EYS: variants seen among roughly 807,000 people sequenced by gnomAD.
The protein encoded by EYS is EGF-like photoreceptor maintenance factor, also known as protein eyes shut homolog.
EYS carries 250 observed loss-of-function variants against 282.1 expected under a neutral mutation model. That is an observed-to-expected ratio of 0.89 (90% CI 0.80 to 0.98). EYS has a LOEUF of 0.98. Among genes scored for constraint, EYS ranks in the 50% least tolerant of loss-of-function variants. The pLI, the probability that EYS is intolerant of heterozygous loss-of-function variation, is 0.00. For synonymous variants in EYS, 1,355 were observed against 1,282.9 expected, an observed-to-expected ratio of 1.06 and a Z score of -1.20; for missense variants, 4,016 against 3,709.0, an observed-to-expected ratio of 1.08 and a Z score of -2.15.
chr6:65,302,262 T>A (rs1768863969), intron 11 of EYS, among the ~76,000 whole-genome samples: 1 of 152,098 alleles, frequency 6.6e-6, no homozygotes, highest in Admixed American at 6.6e-5. Flanking sequence ...AGGAGGAAAA[T>A]TTTTTCTGCT....
At chr6:63,859,124 G>T (rs1476866839) in intron 36 of EYS, among the ~76,000 whole-genome samples, 1 of 116,554 alleles carries the variant, frequency 8.6e-6, no homozygotes, top group Non-Finnish European at 1.6e-5. Flanking sequence ...TAGCTGGGAT[G>T]GAGATGCAGC....
intron 30 of EYS, among the ~76,000 whole-genome samples, chr6:64,269,001 A>G (rs138184404): frequency 1.6e-3 from 249 of 152,260 alleles, no homozygotes; most frequent in Non-Finnish European, 2.9e-3. Flanking sequence ...GTACTAATAT[A>G]TCTTCCACTG....
chr6:64,225,718 G>A (rs183340331), intron 31 of EYS, among the ~76,000 whole-genome samples: 1 of 152,118 alleles, frequency 6.6e-6, no homozygotes, highest in Non-Finnish European at 1.5e-5. Context: ...TAGGGAGCAG[G>A]CTGTCTTTGT....
intron 36 of EYS, among the ~76,000 whole-genome samples, chr6:63,853,308 C>T (rs960968869): frequency 6.6e-6 from 1 of 152,076 alleles, no homozygotes; most frequent in Non-Finnish European, 1.5e-5. Flanking sequence ...AATCAATATG[C>T]AAAAATCACA....
At chr6:64,021,754 G>A (rs866015187) in intron 33 of EYS, among the ~76,000 whole-genome samples, 37 of 151,936 alleles carry the variant, frequency 2.4e-4, no homozygotes, top group African/African-American at 8.7e-4. Context: ...CCCCATCCCT[G>A]TTTCACCCAA....
rs533657209 is a variant in EYS, at chr6:64,812,989, G to A, written c.3443+389C>T. 2.0e-3 allele frequency among the ~76,000 whole-genome samples: 305 copies of A among 152,090 alleles called. 2 individuals carry two copies. The highest frequency in any genetic ancestry group is 6.8e-3 in the Middle Eastern group (2 of 294). ...TTTATAACCTATTAAGATCTCAGGA[G>A]ATAGGCATAGTAGTAACAGAAATGA... On this transcript the variant is annotated intron_variant, in intron 22 of 42. Coordinates refer to ENST00000503581, the MANE Select transcript of EYS (RefSeq NM_001142800.2).
In EYS at chr6:64,591,767, G is replaced by A. The variant is rs773888841; in HGVS notation, c.4100C>T (p.Ser1367Leu). ...DPAQIVQDKT[S>L]VSHMPIRTSA... ...AGTTCGAATAGGCATATGTGATACC[G>A]ATGTTTTGTCCTGGACAATTTGTGC... Residue 1367 changes from serine to leucine, a missense_variant, in exon 26 of 43, where the codon TCG becomes TTG. Coordinates refer to ENST00000503581, the MANE Select transcript of EYS (RefSeq NM_001142800.2). The A allele has an allele frequency of 2.3e-5, 35 of 1,551,184 alleles. No individual in the cohort carries two copies. The highest frequency in any genetic ancestry group is 1.8e-4 in the African/African-American group (13 of 73,010).
At chr6:64,912,454 A>G (rs1012102762) in intron 16 of EYS, 30 bp downstream of exon 16, 1 of 1,538,934 alleles carries the variant, frequency 6.5e-7, no homozygotes, top group Non-Finnish European at 8.8e-7. Context: ...GTAATTATTT[A>G]AAAACAATAA....
At chr6:64,681,819 G>A (rs1375449730) in intron 22 of EYS, among the ~76,000 whole-genome samples, 2 of 152,156 alleles carry the variant, frequency 1.3e-5, no homozygotes, top group Non-Finnish European at 2.9e-5. Flanking sequence ...ACGTGCTACG[G>A]GAAGAGTACT....
intron 14 of EYS, among the ~76,000 whole-genome samples, chr6:64,958,734 CAAAAA>C (rs1167094477): frequency 3.9e-5 from 2 of 51,678 alleles, no homozygotes; most frequent in African/African-American, 9.5e-5. Context: ...GACTCCGTCT[CAAAAA>C]AAAAAAAAAA....
intron 2 of EYS, among the ~76,000 whole-genome samples, chr6:65,595,486 C>T (rs542089599): frequency 1.3e-5 from 2 of 151,446 alleles, no homozygotes; most frequent in Admixed American, 6.6e-5. Context: ...AAAAAAAATC[C>T]ATCATTCACA....
chr6:63,743,233 C>G (rs1250440065), intron 41 of EYS, among the ~76,000 whole-genome samples: 1 of 152,108 alleles, frequency 6.6e-6, no homozygotes, highest in African/African-American at 2.4e-5. Flanking sequence ...ATACATTATA[C>G]TTATTATTAA....
rs888286822 is a variant in EYS at position 64,821,703 on chromosome 6, T to A, written c.3185A>T (p.Glu1062Val). The A allele has an allele frequency of 5.9e-6, 9 of 1,525,350 alleles. No individual in the cohort carries two copies. In the African/African-American group the frequency reaches 1.2e-4, roughly 21 times the overall value. 94.5% of individuals were successfully genotyped at this position (1,525,350 alleles called of 1,614,324 possible). A position where few individuals can be genotyped will look rare whatever the true frequency, so the allele number is the denominator to read the frequency against. The change falls in exon 21 of 43, where the codon GAA (glutamate) becomes GTA (valine). Residue 1062 changes from glutamate to valine, a missense_variant. By Grantham distance (121) the Glu-to-Val change is moderately radical. Transcript: ENST00000503581. ...ATCTGCATCACATGAACATGGATAT[T>A]CATTAATAAGTTCTGTGCACCTGAA... Reference protein sequence around the residue: ...LHGRCTELINEYPCSCDADGT... With the variant: ...LHGRCTELINVYPCSCDADGT...
intron 22 of EYS, among the ~76,000 whole-genome samples, chr6:64,784,817 T>A (rs1196656363): frequency 6.6e-6 from 1 of 152,176 alleles, no homozygotes; most frequent in African/African-American, 2.4e-5. Context: ...TCTCTTAATA[T>A]CAGTATTGCT....
At chr6:65,674,969 G>T (rs574457910) in intron 1 of EYS, among the ~76,000 whole-genome samples, 2 of 151,964 alleles carry the variant, frequency 1.3e-5, no homozygotes, top group Admixed American at 1.3e-4. Flanking sequence ...AACAGAAAGT[G>T]TATGTGTGGA....
chr6:64,056,118 C>T (rs1770974850), intron 33 of EYS, among the ~76,000 whole-genome samples: 1 of 152,180 alleles, frequency 6.6e-6, no homozygotes. Flanking sequence ...TGCAATTCAA[C>T]TTTTGCCTCT....
intron 26 of EYS, among the ~76,000 whole-genome samples, chr6:64,589,624 C>A (rs1562078431): frequency 1.3e-5 from 2 of 152,066 alleles, no homozygotes; most frequent in East Asian, 3.9e-4. Flanking sequence ...ATTAATATAT[C>A]AAGGCTCTGA....
rs1285877808 is a variant in EYS at position 64,979,576 on chromosome 6, G to T, written c.2259+18006C>A. On this transcript the variant is annotated intron_variant, in intron 14 of 42. Transcript: ENST00000503581. ...CCTGTACTCTGGAAGCATCTGACTG[G>T]AATGAAGAATGAGGAGAGAAAGCAA... is the stretch of plus-strand genomic sequence containing the variant. 5.3e-5 allele frequency among the ~76,000 whole-genome samples: 8 copies of T among 151,568 alleles called. No homozygotes were observed. The Admixed American group carries it at 5.3e-4, about 10-fold the overall frequency.
chr6:63,921,319 C>G (rs1764568633), intron 35 of EYS, among the ~76,000 whole-genome samples: 2 of 152,248 alleles, frequency 1.3e-5, no homozygotes, highest in South Asian at 4.1e-4. Flanking sequence ...CCATGAAACC[C>G]TGTGTGGTGT....
Sources: gnomAD v4.1 joint callset for allele counts (sites outside exome capture counted in the v4.1 genomes callset) on GRCh38, gnomAD v4.1.1 for gene constraint, MANE v1.5 for transcripts, NCBI Gene and HGNC (gene_info 2026-07-23, HGNC 2026-07-21) for gene names.